Variants in TGDS observed in about 807,000 individuals in gnomAD.
The protein encoded by TGDS is UDP-D-glucose 4,6-dehydratase.
Under a neutral mutation model 52.3 loss-of-function variants are expected in TGDS, and 47 were observed. The ratio of observed to expected loss-of-function variants is 0.90; its 90% CI spans 0.71 to 1.15. The LOEUF is 1.15. Ranked by LOEUF, TGDS falls within the 50% of genes most tolerant of loss-of-function variation. TGDS has a pLI of 0.00. For synonymous variants in TGDS, 115 were observed against 136.9 expected, an observed-to-expected ratio of 0.84 and a Z score of 1.12; for missense variants, 375 against 418.4, an observed-to-expected ratio of 0.90 and a Z score of 0.90.
chr13:94,583,837 G>A (rs1454378431), intron 4 of TGDS, among the ~76,000 whole-genome samples: 6 of 152,142 alleles, frequency 3.9e-5, no homozygotes, highest in South Asian at 2.1e-4. Context: ...GGTTAGTATC[G>A]TCAATTTATA....
chr13:94,576,168 T>A, intron 11 of TGDS, 146 bp downstream of exon 11: 2 of 484,434 alleles, frequency 4.1e-6, no homozygotes, highest in Non-Finnish European at 7.0e-6. Context: ...ACAGGACTGC[T>A]ACTAGAAATA....
At chr13:94,580,364 G>C (rs1468510410) in intron 6 of TGDS, among the ~76,000 whole-genome samples, 1 of 152,174 alleles carries the variant, frequency 6.6e-6, no homozygotes, top group Non-Finnish European at 1.5e-5. Flanking sequence ...GATGCCACCA[G>C]AACTCAAATG....
intron 8 of TGDS, 23 bp from the exon 9 acceptor site, chr13:94,578,193 A>C: frequency 6.2e-7 from 1 of 1,610,912 alleles, no homozygotes. Flanking sequence ...AACGAAGTGA[A>C]ATCATAAAGT....
At chr13:94,594,093 A>G (rs1337593523) in intron 1 of TGDS, among the ~76,000 whole-genome samples, 186 bp from the exon 2 acceptor site, 1 of 152,240 alleles carries the variant, frequency 6.6e-6, no homozygotes, top group Non-Finnish European at 1.5e-5. Flanking sequence ...TCTCAACAGT[A>G]TCTATAAACA....
Position 94,592,194 on chromosome 13 carries a change from C to T in TGDS, c.222+47G>A, listed in dbSNP as rs751702738. On this transcript the variant is annotated intron_variant, in intron 3 of 11. Coordinates refer to ENST00000261296, the MANE Select transcript of TGDS (RefSeq NM_014305.4). ...GTAAAGTACAAAGATACTATAATCT[C>T]TGCATGACTAAAGAGGCACGGTACA... The T allele has an allele frequency of 8.6e-6, 12 of 1,395,834 alleles. No individual in the cohort carries two copies. In the Admixed American group the frequency reaches 2.5e-4, roughly 29 times the overall value. The allele number at this position is 1,395,834 out of a possible 1,614,324, so 86.5% of individuals were successfully genotyped here.
intron 5 of TGDS, 73 bp downstream of exon 5, chr13:94,583,021 C>G: frequency 6.6e-7 from 1 of 1,517,036 alleles, no homozygotes; most frequent in Non-Finnish European, 8.9e-7. Flanking sequence ...ATGAAAAAAG[C>G]CCAGTGTAGG....
intron 4 of TGDS, among the ~76,000 whole-genome samples, chr13:94,586,088 CT>C (rs545600563): frequency 6.6e-6 from 1 of 151,854 alleles, no homozygotes; most frequent in South Asian, 2.1e-4. Context: ...AGGAATAATT[CT>C]TTTTTTTAAA....
chr13:94,586,846 C>T (rs1362579328), intron 4 of TGDS, among the ~76,000 whole-genome samples: 1 of 149,752 alleles, frequency 6.7e-6, no homozygotes, highest in East Asian at 2.0e-4. Context: ...GCAACCGCCA[C>T]CTCTTGGGCT....
In TGDS at chr13:94,581,147, C is replaced by CTTA; in HGVS notation, c.498_499insTAA (p.Tyr166_Ala167insTer). Reference sequence around the variant, plus strand: ...CATTCAGCAGCTGCTTTAGATGATGCATAAGGATTTGTAGGTTGTTTGGGT... The same window carrying CTTA: ...CATTCAGCAGCTGCTTTAGATGATGCTTAATAAGGATTTGTAGGTTGTTTGGGT... On this transcript the variant is annotated stop_gained and inframe_insertion, in exon 6 of 12. Coordinates refer to ENST00000261296, the MANE Select transcript of TGDS (RefSeq NM_014305.4). LOFTEE classifies it high-confidence loss of function. The CTTA allele has an allele frequency of 6.3e-7, 1 of 1,595,752 alleles. No individual in the cohort carries two copies. The highest frequency in any genetic ancestry group is 1.2e-5 in the South Asian group (1 of 85,464).
In TGDS at chr13:94,590,857, ATG is replaced by A. The variant is rs779851822; in HGVS notation, c.307_308del (p.His103CysfsTer10). On this transcript the variant is annotated frameshift_variant, in exon 4 of 12. Coordinates refer to ENST00000261296, the MANE Select transcript of TGDS (RefSeq NM_014305.4). LOFTEE classifies it high-confidence loss of function. ...GTAACATAAAACAATGCTTACCTACATGTGTTTGTGCGGCAAAATGTAGTACT... is the reference window on the plus strand; with the variant it reads ...GTAACATAAAACAATGCTTACCTACATGTTTGTGCGGCAAAATGTAGTACT... ...DIVLHFAAQTHVDLSFVRAFE... is the reference protein window; with the variant it reads ...DIVLHFAAQTXVDLSFVRAFE... The A allele has an allele frequency of 1.9e-6, 3 of 1,567,766 alleles. No individual in the cohort carries two copies. Among genetic ancestry groups the A allele is most frequent in the Non-Finnish European group, 2.6e-6 (3 of 1,165,742 alleles).
At chr13:94,585,137 C>T (rs1486930168) in intron 4 of TGDS, among the ~76,000 whole-genome samples, 2 of 152,018 alleles carry the variant, frequency 1.3e-5, no homozygotes, top group Non-Finnish European at 2.9e-5. Context: ...GCCACCTCTG[C>T]CTCCCAGATT....
intron 4 of TGDS, among the ~76,000 whole-genome samples, chr13:94,587,726 G>A (rs983564401): frequency 6.6e-5 from 10 of 152,112 alleles, no homozygotes; most frequent in South Asian, 2.1e-4. Context: ...AGCCGGGTGC[G>A]GTGGCTCACG....
chr13:94,588,979 G>A (rs1889098477), intron 4 of TGDS, among the ~76,000 whole-genome samples: 1 of 152,196 alleles, frequency 6.6e-6, no homozygotes, highest in Non-Finnish European at 1.5e-5. Context: ...ATTAATTTCA[G>A]ATGGATTACA....
intron 8 of TGDS, 109 bp downstream of exon 8, chr13:94,578,621 G>A: frequency 1.3e-6 from 1 of 749,284 alleles, no homozygotes; most frequent in South Asian, 1.7e-5. Flanking sequence ...TAAATTTAGT[G>A]GGGCATTCAA....
At chr13:94,596,216 C>T, upstream of TGDS, 1 of 1,463,068 alleles carries the variant, frequency 6.8e-7, no homozygotes, top group Non-Finnish European at 9.3e-7. Flanking sequence ...CCTTTTGCGA[C>T]GCGCCTCGCT....
intron 8 of TGDS, 116 bp from the exon 9 acceptor site, chr13:94,578,286 T>C (rs1594439595): frequency 1.0e-6 from 1 of 968,282 alleles, no homozygotes; most frequent in East Asian, 2.7e-5. Context: ...CCAGAATCTT[T>C]ACTGAAAATA....
chr13:94,577,887 A>T, intron 9 of TGDS, 118 bp downstream of exon 9: 1 of 1,028,250 alleles, frequency 9.7e-7, no homozygotes, highest in Non-Finnish European at 1.4e-6. Context: ...CAAAATCATT[A>T]ATTTCATTTT....
chr13:94,590,485 C>G (rs2139540769), intron 4 of TGDS, among the ~76,000 whole-genome samples: 1 of 152,076 alleles, frequency 6.6e-6, no homozygotes, highest in Admixed American at 6.5e-5. Context: ...ATAAAACTGT[C>G]AAATTATTAG....
At chr13:94,586,785 G>T (rs1292050346) in intron 4 of TGDS, among the ~76,000 whole-genome samples, 2 of 128,442 alleles carry the variant, frequency 1.6e-5, no homozygotes, top group Non-Finnish European at 3.2e-5. Flanking sequence ...TTGAGACAAG[G>T]TCTCATTCTA....
Sources: allele counts gnomAD v4.1 joint callset (sites outside exome capture counted in the v4.1 genomes callset), GRCh38; gene constraint gnomAD v4.1.1; transcripts MANE v1.5; gene names NCBI Gene and HGNC (gene_info 2026-07-23, HGNC 2026-07-21).